The following ETNK2 variants were observed in gnomAD, a reference collection of about 807,000 sequenced individuals.
The protein encoded by ETNK2 is ethanolamine kinase-like protein.
In ETNK2, 33 loss-of-function variants were observed where a neutral mutation model predicts 46.2. That is an observed-to-expected ratio of 0.71 (90% CI 0.54 to 0.96). The LOEUF is 0.96. ETNK2 is among the 40% of genes least tolerant of loss of function. The pLI is 0.00. For missense variants in ETNK2, 445 were observed against 509.7 expected (o/e 0.87, Z 1.22); for synonymous variants, 194 against 209.0 (o/e 0.93, Z 0.62).
intron 3 of ETNK2, among the ~76,000 whole-genome samples, chr1:204,143,533 GGA>G (rs1657647891): frequency 6.6e-6 from 1 of 152,126 alleles, no homozygotes; most frequent in Admixed American, 6.5e-5. Context: ...CAAGGCTGTG[GGA>G]TCGGCAGAAG....
At chr1:204,138,854 T>C (rs1240486385) in intron 5 of ETNK2, 1 of 152,250 alleles carries the variant, frequency 6.6e-6, no homozygotes, top group Non-Finnish European at 1.5e-5. Flanking sequence ...TTGCCTCCTC[T>C]ACACAAATGG....
At chr1:204,139,342 G>A (rs1429694314) in intron 5 of ETNK2, among the ~76,000 whole-genome samples, 1 of 152,204 alleles carries the variant, frequency 6.6e-6, no homozygotes, top group Non-Finnish European at 1.5e-5. Context: ...ATCCTGTGCT[G>A]TGCTAGCCAA....
intron 4 of ETNK2, among the ~76,000 whole-genome samples, chr1:204,140,692 T>C (rs757641939): frequency 1.3e-5 from 2 of 150,318 alleles, no homozygotes; most frequent in Non-Finnish European, 3.0e-5. Context: ...GCCCAGCTAA[T>C]TTTTGTATTT....
intron 3 of ETNK2, 95 bp from the exon 4 acceptor site, chr1:204,141,552 T>TGCAGTAAGACAGAGGGA: frequency 1.5e-6 from 2 of 1,377,246 alleles, no homozygotes; most frequent in Non-Finnish European, 2.0e-6. Flanking sequence ...TCACTCCCTC[T>TGCAGTAAGACAGAGGGA]GTCTTACTGC....
At chr1:204,139,206 G>A (rs916228629) in intron 5 of ETNK2, among the ~76,000 whole-genome samples, 7 of 152,158 alleles carry the variant, frequency 4.6e-5, no homozygotes, top group Non-Finnish European at 8.8e-5. Context: ...ACTCTCATCA[G>A]GCCACCAGGC....
intron 6 of ETNK2, 140 bp from the exon 7 acceptor site, chr1:204,134,728 A>G (rs772004314): frequency 8.9e-6 from 14 of 1,567,408 alleles, no homozygotes; most frequent in Non-Finnish European, 1.2e-5. Flanking sequence ...CCCTAGCACA[A>G]GCTGGGGAAA....
Position 204,132,068 on chromosome 1 carries a change from C to A in ETNK2, c.*116G>T. ...GCAGGGACAGAGCCTTCTCCCTGGA[C>A]ACCCATGTGTCCCCTCTCCCACCCT... On this transcript the variant is annotated 3_prime_UTR_variant, in exon 8 of 8. Transcript: ENST00000367202. 1 of 814,682 alleles carries A rather than the reference C, an allele frequency of 1.2e-6. No individual in the cohort carries two copies. Among genetic ancestry groups the A allele is most frequent in the Non-Finnish European group, 2.1e-6 (1 of 479,822 alleles). 50.5% of individuals were successfully genotyped at this position (814,682 alleles called of 1,614,324 possible). A position where few individuals can be genotyped will look rare whatever the true frequency, so the allele number is the denominator to read the frequency against.
rs1257332866 is a variant in ETNK2 at position 204,141,470 on chromosome 1, A to C, written c.642-13T>G. The C allele has an allele frequency of 1.3e-6, 2 of 1,566,210 alleles. No homozygotes were observed. The highest frequency in any genetic ancestry group is 3.8e-5 in the Admixed American group (2 of 52,000). ...ATCTGCAGAAAGGCTGGGCAGTGGC[A>C]AAAAAGGTAGCCAGTGAAAGGAGGG... On this transcript the variant is annotated splice_polypyrimidine_tract_variant and intron_variant, in intron 3 of 7. Transcript: ENST00000367202.
intron 4 of ETNK2, among the ~76,000 whole-genome samples, chr1:204,140,857 C>G (rs1339895323): frequency 7.1e-6 from 1 of 140,314 alleles, no homozygotes; most frequent in East Asian, 2.1e-4. Flanking sequence ...GGGTCTTGCT[C>G]TGTTGCCCAG....
intron 3 of ETNK2, among the ~76,000 whole-genome samples, chr1:204,144,624 A>G (rs1325751605): frequency 6.6e-6 from 1 of 152,014 alleles, no homozygotes; most frequent in East Asian, 1.9e-4. Context: ...AAACATCTTC[A>G]TGACTTCCCG....
intron 6 of ETNK2, among the ~76,000 whole-genome samples, chr1:204,136,383 G>A (rs367705177): frequency 6.9e-6 from 1 of 145,680 alleles, no homozygotes; most frequent in Non-Finnish European, 1.5e-5. Context: ...ATGACAGAGC[G>A]GGACCCTGTC....
At chr1:204,147,372 C>T (rs1289920339) in intron 2 of ETNK2, 1 of 518,218 alleles carries the variant, frequency 1.9e-6, no homozygotes, top group Non-Finnish European at 4.0e-6. Flanking sequence ...TTTTCAAGTT[C>T]TTCTGTGGAC....
Position 204,134,815 on chromosome 1 carries a change from C to T in ETNK2, c.1015-227G>A, listed in dbSNP as rs184047729. 5.1e-5 allele frequency: 50 copies of T among 987,944 alleles called. No homozygotes were observed. In the East Asian group the frequency reaches 6.6e-4, roughly 13 times the overall value. 61.2% of individuals were successfully genotyped at this position (987,944 alleles called of 1,614,324 possible). On this transcript the variant is annotated intron_variant, in intron 6 of 7. Transcript: ENST00000367202. ...GAAAGGTGGGCAGAGCTAGTTCTAC[C>T]GAGGCCCTAATGTTTACCAACCCTA...
At chr1:204,140,957 G>A (rs1226363528) in intron 4 of ETNK2, 1 of 336,216 alleles carries the variant, frequency 3.0e-6, no homozygotes, top group Non-Finnish European at 5.6e-6. Flanking sequence ...CGAGGAGCTA[G>A]GACTATAGCA....
At chr1:204,147,558 C>T in intron 2 of ETNK2, 1 of 533,152 alleles carries the variant, frequency 1.9e-6, no homozygotes, top group South Asian at 1.4e-5. Context: ...CTTCCGCTGT[C>T]CCACCCCCCA....
At position 204,151,993 on chromosome 1, in the gene ETNK2, G is replaced by A. The variant is rs1277582307; in HGVS notation, c.-141C>T. ...AGCTGCCCGCTTCGATCGCCGGCTC[G>A]CGGCCCGCCGCCCACCGCCGACCCC... is the stretch of plus-strand genomic sequence containing the variant. On this transcript the variant is annotated 5_prime_UTR_variant, in exon 1 of 8. Transcript: ENST00000367202. This position sits in a 1 kb window ranked among gnomAD's most constrained non-coding sequence, Gnocchi z 8.0. 8.8e-5 allele frequency: 79 copies of A among 902,284 alleles called. No individual in the cohort carries two copies. Among genetic ancestry groups the A allele is most frequent in the Non-Finnish European group, 9.9e-5 (68 of 684,562 alleles). 55.9% of individuals were successfully genotyped at this position (902,284 alleles called of 1,614,324 possible).
At position 204,137,113 on chromosome 1, in the gene ETNK2, C is replaced by T; in HGVS notation, c.1005G>A (p.Lys335=). ...GAAATAAGGCACTCACCAGGGCAAA[C>T]TTGTTGACTTGCACGTAGAGCCTTT... ...EVQRLYVQVN[K]FALASHFFWA... is the part of the protein sequence containing the mutation. The change falls in exon 6 of 8, where the codon AAG becomes AAA. Residue 335 remains lysine (K), a synonymous_variant. Coordinates refer to ENST00000367202, the MANE Select transcript of ETNK2 (RefSeq NM_018208.4). 6.2e-7 allele frequency: 1 copy of T among 1,613,802 alleles called. No individual in the cohort carries two copies. The highest frequency in any genetic ancestry group is 8.5e-7 in the Non-Finnish European group (1 of 1,179,772).
In ETNK2 at chr1:204,151,943, A is replaced by C. The variant is rs943009914; in HGVS notation, c.-91T>G. 2.3e-6 allele frequency: 3 copies of C among 1,322,414 alleles called. No individual in the cohort carries two copies. Among genetic ancestry groups the C allele is most frequent in the Non-Finnish European group, 2.9e-6 (3 of 1,023,528 alleles). 81.9% of individuals were successfully genotyped at this position (1,322,414 alleles called of 1,614,324 possible). On this transcript the variant is annotated 5_prime_UTR_variant, in exon 1 of 8. Transcript: ENST00000367202. The surrounding 1 kb of genome is among the most constrained non-coding windows in gnomAD (Gnocchi z 8.0). ...GAGTGGGAGTGGTAGAGGAGGGGCC[A>C]GGGGAAGTCCATGACTCAGGCGCGA... is the stretch of plus-strand genomic sequence containing the variant.
Position 204,151,770 on chromosome 1 carries a change from C to A in ETNK2, c.83G>T (p.Gly28Val). 1 of 1,514,912 alleles carries A rather than the reference C, an allele frequency of 6.6e-7. No homozygotes were observed. The highest frequency in any genetic ancestry group is 8.8e-7 in the Non-Finnish European group (1 of 1,134,164). The allele number at this position is 1,514,912 out of a possible 1,614,324, so 93.8% of individuals were successfully genotyped here. ...GCTGGCCGCCGCCTTCTCCTCCATG[C>A]CCCATGAGCACTGCGGGCAAGGCGT... Reference protein sequence around the residue: ...RHTPCPQCSWGMEEKAAASAS... With the variant: ...RHTPCPQCSWVMEEKAAASAS... Residue 28 changes from glycine (G) to valine (V), a missense_variant, in exon 1 of 8, where the codon GGC (glycine) becomes GTC (valine). Physicochemically the swap from Gly to Val is moderately radical, Grantham distance 109. Transcript: ENST00000367202. This position sits in a 1 kb window ranked among gnomAD's most constrained non-coding sequence, Gnocchi z 8.0.
Sources: allele counts gnomAD v4.1 joint callset (sites outside exome capture counted in the v4.1 genomes callset), GRCh38; gene constraint gnomAD v4.1.1; non-coding constraint Gnocchi (gnomAD v3.1); transcripts MANE v1.5; gene names NCBI Gene and HGNC (gene_info 2026-07-23, HGNC 2026-07-21).